DIS3L2: variants seen among roughly 807,000 people sequenced by gnomAD.
The protein encoded by DIS3L2 is DIS3 like 3'-5' exoribonuclease 2.
DIS3L2 carries 34 observed loss-of-function variants against 97.5 expected under a neutral mutation model. That is an observed-to-expected ratio of 0.35 (90% confidence interval 0.27 to 0.46). DIS3L2 has a LOEUF of 0.46. Ranked by LOEUF, DIS3L2 falls within the 20% of genes least tolerant of loss-of-function variation. The pLI is 1.00. For missense variants in DIS3L2, 1,038 were observed against 1,146.0 expected (o/e 0.91, Z 1.36); for synonymous variants, 435 against 445.2 (o/e 0.98, Z 0.29).
At chr2:232,306,439 A>G (rs1321808657) in intron 14 of DIS3L2, among the ~76,000 whole-genome samples, 1 of 152,182 alleles carries the variant, frequency 6.6e-6, no homozygotes, top group Admixed American at 6.5e-5. Flanking sequence ...TGCCACGGTA[A>G]AAATTACAGC....
chr2:232,288,557 C>T (rs556459311), intron 13 of DIS3L2, among the ~76,000 whole-genome samples: 4 of 152,234 alleles, frequency 2.6e-5, no homozygotes, highest in Non-Finnish European at 5.9e-5. Flanking sequence ...GAGACAAGGT[C>T]AGAGCTGCTG....
Position 232,095,510 on chromosome 2 carries a change from A to G in DIS3L2, c.601+7789A>G, listed in dbSNP as rs180926952. 2.0e-5 allele frequency among the ~76,000 whole-genome samples: 3 copies of G among 152,300 alleles called. No individual in the cohort carries two copies. In the East Asian group the frequency reaches 5.8e-4, roughly 29 times the overall value. Reference sequence around the variant, plus strand: ...GCTTTTATTCACATCTTACAATATTATCTATGTCTTGAATAGTTGTTGTAG... The same window carrying G: ...GCTTTTATTCACATCTTACAATATTGTCTATGTCTTGAATAGTTGTTGTAG... On this transcript the variant is annotated intron_variant, in intron 6 of 20. Coordinates refer to ENST00000325385, the MANE Select transcript of DIS3L2 (RefSeq NM_152383.5).
chr2:232,219,688 C>G (rs1692440183), intron 10 of DIS3L2, among the ~76,000 whole-genome samples: 1 of 152,084 alleles, frequency 6.6e-6, no homozygotes, highest in East Asian at 1.9e-4. Context: ...CTTCCTTCCT[C>G]TTATTTCCTT....
intron 6 of DIS3L2, among the ~76,000 whole-genome samples, chr2:232,116,609 G>A (rs1267246007): frequency 6.6e-6 from 1 of 152,110 alleles, no homozygotes; most frequent in African/African-American, 2.4e-5. Context: ...AGTAATGATG[G>A]TTATAACCTG....
At chr2:232,290,168 T>G in intron 13 of DIS3L2, among the ~76,000 whole-genome samples, 1 of 152,148 alleles carries the variant, frequency 6.6e-6, no homozygotes, top group East Asian at 1.9e-4. Context: ...CCTCAAAAAT[T>G]CTCCAGCTTT....
intron 10 of DIS3L2, among the ~76,000 whole-genome samples, chr2:232,219,479 T>A (rs1692435264): frequency 6.6e-6 from 1 of 152,202 alleles, no homozygotes; most frequent in Admixed American, 6.5e-5. Context: ...TGTGGGTTTA[T>A]ATCCTGACAT....
intron 9 of DIS3L2, among the ~76,000 whole-genome samples, chr2:232,204,827 T>G (rs776639120): frequency 6.6e-6 from 1 of 152,118 alleles, no homozygotes; most frequent in Non-Finnish European, 1.5e-5. Flanking sequence ...GGCCAGCAGC[T>G]CCTAGCCACT....
chr2:232,301,528 G>A (rs1024745056), intron 14 of DIS3L2, among the ~76,000 whole-genome samples: 3 of 152,264 alleles, frequency 2.0e-5, no homozygotes, highest in East Asian at 1.9e-4. Context: ...AGAGGCTACC[G>A]GGTGCCCTCG....
chr2:232,285,046 C>A (rs781571964), intron 13 of DIS3L2, among the ~76,000 whole-genome samples: 1 of 152,142 alleles, frequency 6.6e-6, no homozygotes, highest in Non-Finnish European at 1.5e-5. Context: ...CTATAAGGGT[C>A]CCCAACCCAT....
intron 5 of DIS3L2, among the ~76,000 whole-genome samples, chr2:232,035,198 T>C (rs373570445): frequency 2.0e-5 from 3 of 152,252 alleles, no homozygotes; most frequent in African/African-American, 7.2e-5. Flanking sequence ...TGGGTGCATG[T>C]ATATTTAGGA....
intron 14 of DIS3L2, among the ~76,000 whole-genome samples, chr2:232,314,806 G>A (rs995394924): frequency 3.3e-5 from 5 of 152,116 alleles, no homozygotes; most frequent in African/African-American, 7.2e-5. Context: ...AGCATGACTC[G>A]GAGCTCTTTG....
chr2:232,338,128 C>T (rs915520752), downstream of DIS3L2, among the ~76,000 whole-genome samples: 3 of 146,168 alleles, frequency 2.1e-5, no homozygotes, highest in African/African-American at 8.4e-5. Context: ...ACTGTGAGAG[C>T]CCCAAACAGG....
At chr2:232,204,071 C>G (rs1437866071) in intron 9 of DIS3L2, among the ~76,000 whole-genome samples, 1 of 152,058 alleles carries the variant, frequency 6.6e-6, no homozygotes, top group Non-Finnish European at 1.5e-5. Flanking sequence ...AGGTTTTTGA[C>G]CAATGCATGC....
chr2:232,182,126 T>C (rs1691300590), intron 9 of DIS3L2, among the ~76,000 whole-genome samples: 1 of 152,210 alleles, frequency 6.6e-6, no homozygotes, highest in Admixed American at 6.5e-5. Flanking sequence ...TTTTCATAGG[T>C]TGTATTTTGT....
chr2:232,205,214 A>ATG, intron 9 of DIS3L2, among the ~76,000 whole-genome samples: 3 of 46,020 alleles, frequency 6.5e-5, no homozygotes, highest in East Asian at 0.011. Flanking sequence ...CAGTTTACAT[A>ATG]TATATATATA....
intron 5 of DIS3L2, among the ~76,000 whole-genome samples, chr2:232,077,965 C>G (rs1696252178): frequency 2.0e-5 from 2 of 102,482 alleles, no homozygotes; most frequent in Admixed American, 2.0e-4. Context: ...CTCTTTCTTT[C>G]TTTCTTTCTT....
At chr2:232,070,176 T>C (rs1198678362) in intron 5 of DIS3L2, among the ~76,000 whole-genome samples, 4 of 152,186 alleles carry the variant, frequency 2.6e-5, no homozygotes, top group African/African-American at 9.6e-5. Flanking sequence ...TCTATCTCTG[T>C]TAGAAATTCT....
chr2:232,137,353 G>A (rs1180065322), intron 8 of DIS3L2, among the ~76,000 whole-genome samples: 1 of 152,150 alleles, frequency 6.6e-6, no homozygotes, highest in African/African-American at 2.4e-5. Flanking sequence ...CAAATGCTAT[G>A]CCTATTTTCT....
At chr2:232,270,973 C>T (rs879300075) in intron 13 of DIS3L2, among the ~76,000 whole-genome samples, 11 of 150,906 alleles carry the variant, frequency 7.3e-5, no homozygotes, top group Non-Finnish European at 1.2e-4. Context: ...TCTGAAATAT[C>T]CCAGTGGTTG....
Sources: gnomAD v4.1 joint callset for allele counts (sites outside exome capture counted in the v4.1 genomes callset) on GRCh38, gnomAD v4.1.1 for gene constraint, MANE v1.5 for transcripts, NCBI Gene and HGNC (gene_info 2026-07-23, HGNC 2026-07-21) for gene names.